SYN3: variants seen among roughly 807,000 people sequenced by gnomAD.
SYN3 encodes the protein synapsin-3.
SYN3 carries 35 observed loss-of-function variants against 65.8 expected under a neutral mutation model. The ratio of observed to expected loss-of-function variants is 0.53; its 90% CI spans 0.41 to 0.70. The LOEUF (loss-of-function observed/expected upper bound fraction) is 0.70, where lower values mean the gene tolerates loss of function less well. Ranked by LOEUF, SYN3 falls within the 30% of genes least tolerant of loss-of-function variation. SYN3 has a pLI of 0.00. For synonymous variants in SYN3, 270 were observed against 292.9 expected, an observed-to-expected ratio of 0.92 and a Z score of 0.80; for missense variants, 680 against 749.0, an observed-to-expected ratio of 0.91 and a Z score of 1.08.
intron 6 of SYN3, among the ~76,000 whole-genome samples, chr22:32,685,737 GT>G (rs2060580384): frequency 6.6e-6 from 1 of 152,140 alleles, no homozygotes; most frequent in Non-Finnish European, 1.5e-5. Flanking sequence ...ACATAACCCA[GT>G]CATTAACTGA....
intron 6 of SYN3, among the ~76,000 whole-genome samples, chr22:32,704,571 G>A (rs2060854384): frequency 6.6e-6 from 1 of 152,116 alleles, no homozygotes; most frequent in Non-Finnish European, 1.5e-5. Context: ...ATATTCATTT[G>A]GGTATATACC....
intron 4 of SYN3, among the ~76,000 whole-genome samples, chr22:32,901,710 G>A (rs2049765825): frequency 6.6e-6 from 1 of 152,240 alleles, no homozygotes; most frequent in Admixed American, 6.5e-5. Flanking sequence ...TACAGATGAG[G>A]AAAATGGCAC....
chr22:32,943,107 T>C (rs934791409), intron 3 of SYN3, among the ~76,000 whole-genome samples: 4 of 152,126 alleles, frequency 2.6e-5, no homozygotes, highest in African/African-American at 9.7e-5. Flanking sequence ...ACCACAAAGA[T>C]ACTCCTCGAG....
At chr22:32,724,186 C>T (rs933547317) in intron 6 of SYN3, among the ~76,000 whole-genome samples, 1 of 152,214 alleles carries the variant, frequency 6.6e-6, no homozygotes, top group Non-Finnish European at 1.5e-5. Flanking sequence ...TATTTAACAA[C>T]AGTCAGTGCA....
intron 6 of SYN3, among the ~76,000 whole-genome samples, chr22:32,625,168 T>C (rs2059648196): frequency 6.6e-6 from 1 of 152,138 alleles, no homozygotes; most frequent in African/African-American, 2.4e-5. Context: ...TGCACCTAGG[T>C]AGGAACCTCA....
Position 32,513,383 on chromosome 22 carries a change from CTCACT to C in SYN3, c.*304_*308del, listed in dbSNP as rs2057716686. The C allele has an allele frequency of 3.6e-6, 1 of 275,740 alleles. No homozygotes were observed. The highest frequency in any genetic ancestry group is 2.1e-5 in the African/African-American group (1 of 46,584). The allele number at this position is 275,740 out of a possible 1,614,324, so 17.1% of individuals were successfully genotyped here. A position where few individuals can be genotyped will look rare whatever the true frequency, so the allele number is the denominator to read the frequency against. On this transcript the variant is annotated 3_prime_UTR_variant, in exon 14 of 14. Coordinates refer to ENST00000358763, the MANE Select transcript of SYN3 (RefSeq NM_003490.4). ...GTGAAAACTAGCCACTCGCAGACAT[CTCACT>C]TGGTTATCTGGCAGGTAAGCAGGCA...
intron 6 of SYN3, among the ~76,000 whole-genome samples, chr22:32,620,239 A>T (rs1352076680): frequency 6.6e-6 from 1 of 152,210 alleles, no homozygotes; most frequent in African/African-American, 2.4e-5. Flanking sequence ...TTCTTTACAA[A>T]AGAAAGGTTT....
intron 6 of SYN3, among the ~76,000 whole-genome samples, chr22:32,747,019 G>C (rs985603341): frequency 6.6e-6 from 1 of 152,168 alleles, no homozygotes; most frequent in Non-Finnish European, 1.5e-5. Flanking sequence ...TCCCTGGCTG[G>C]AGGGAGCCTG....
intron 6 of SYN3, among the ~76,000 whole-genome samples, chr22:32,645,695 G>A (rs1280567244): frequency 2.6e-5 from 4 of 152,152 alleles, no homozygotes; most frequent in Non-Finnish European, 1.5e-5. Context: ...TTTGGGAAAG[G>A]GACGTAACTG....
At chr22:32,595,335 AG>A (rs2059183909) in intron 7 of SYN3, among the ~76,000 whole-genome samples, 1 of 152,180 alleles carries the variant, frequency 6.6e-6, no homozygotes, top group African/African-American at 2.4e-5. Context: ...CAGAGCCAAG[AG>A]ATAAAGAGGG....
intron 6 of SYN3, among the ~76,000 whole-genome samples, chr22:32,835,235 A>C (rs2047696136): frequency 6.6e-6 from 1 of 152,202 alleles, no homozygotes; most frequent in African/African-American, 2.4e-5. Flanking sequence ...CCAAGATGGA[A>C]AAGATGTCTT....
At chr22:32,943,376 C>G (rs992944453) in intron 3 of SYN3, among the ~76,000 whole-genome samples, 3 of 152,154 alleles carry the variant, frequency 2.0e-5, no homozygotes, top group Non-Finnish European at 4.4e-5. Context: ...AAATAAAATA[C>G]TTTACAGACA....
intron 8 of SYN3, among the ~76,000 whole-genome samples, chr22:32,539,641 C>T (rs996777980): frequency 1.3e-5 from 2 of 152,094 alleles, no homozygotes; most frequent in African/African-American, 2.4e-5. Flanking sequence ...GTTGAATGGC[C>T]GGGGAAATTC....
At chr22:32,886,829 G>T (rs1346793175) in intron 4 of SYN3, among the ~76,000 whole-genome samples, 1 of 152,142 alleles carries the variant, frequency 6.6e-6, no homozygotes, top group Non-Finnish European at 1.5e-5. Flanking sequence ...CAACATAATG[G>T]CTTTGAGATT....
intron 2 of SYN3, among the ~76,000 whole-genome samples, chr22:32,996,368 G>C (rs1408900479): frequency 6.6e-6 from 1 of 152,128 alleles, no homozygotes; most frequent in Non-Finnish European, 1.5e-5. Context: ...CTGTGGAGGA[G>C]AGGAACTCGG....
chr22:32,815,607 A>G (rs539876367), intron 6 of SYN3, among the ~76,000 whole-genome samples: 40 of 152,342 alleles, frequency 2.6e-4, no homozygotes, highest in Admixed American at 9.2e-4. Flanking sequence ...GTTGACAGCT[A>G]TTTTAAGATC....
At chr22:32,751,497 C>T (rs5754248) in intron 6 of SYN3, among the ~76,000 whole-genome samples, 77,136 of 151,958 alleles carry the variant, frequency 0.51, 19,802 homozygotes, top group Admixed American at 0.55. Context: ...GGGGACAGCT[C>T]TCTTGGGCAA....
chr22:32,949,076 T>C (rs1453123205), intron 3 of SYN3, among the ~76,000 whole-genome samples: 1 of 152,126 alleles, frequency 6.6e-6, no homozygotes, highest in African/African-American at 2.4e-5. Context: ...AAATCTGAAA[T>C]GCTCCAGTGA....
intron 6 of SYN3, among the ~76,000 whole-genome samples, chr22:32,646,749 T>C (rs2059989717): frequency 6.6e-6 from 1 of 152,162 alleles, no homozygotes; most frequent in African/African-American, 2.4e-5. Context: ...GAGCAGAGAC[T>C]GAGAAACAAT....
Sources: allele counts gnomAD v4.1 joint callset (sites outside exome capture counted in the v4.1 genomes callset), GRCh38; gene constraint gnomAD v4.1.1; transcripts MANE v1.5; gene names NCBI Gene and HGNC (gene_info 2026-07-23, HGNC 2026-07-21).